The following FHIT variants were observed in gnomAD, a reference collection of about 807,000 sequenced individuals.
The protein encoded by FHIT is fragile histidine triad diadenosine triphosphatase.
In FHIT, 19 loss-of-function variants were observed where a neutral mutation model predicts 17.9. That is an observed-to-expected ratio of 1.06 (90% CI 0.74 to 1.56). The LOEUF is 1.56. Among genes scored for constraint, FHIT ranks in the 40% most tolerant of loss-of-function variants. The pLI is 0.00. For missense variants in FHIT, 248 were observed against 189.2 expected (o/e 1.31, Z -1.82); for synonymous variants, 81 against 69.7 (o/e 1.16, Z -0.81).
At chr3:60,215,132 G>A (rs867384911) in intron 5 of FHIT, among the ~76,000 whole-genome samples, 7 of 151,830 alleles carry the variant, frequency 4.6e-5, no homozygotes, top group African/African-American at 7.3e-5. Flanking sequence ...CAGTTTACCC[G>A]TGTAACAAGC....
rs369924071 is a variant in FHIT, at chr3:59,922,412, G to A, written c.282C>T (p.His94=). 8 of 1,612,816 alleles carry A rather than the reference G, an allele frequency of 5.0e-6. No homozygotes were observed. Among genetic ancestry groups the A allele is most frequent in the South Asian group, 3.3e-5 (3 of 90,974 alleles). The change falls in exon 8 of 10, where the codon CAC becomes CAT. Residue 94 remains histidine, a splice_region_variant and synonymous_variant. Transcript: ENST00000492590. ...TCCTGGGAAGAACATGGACGTGAAC[G>A]TGCTGAAAATGTACAAGAAAGAAAA... ...DGPEAGQTVK[H]VHVHVLPRKA... is the part of the protein sequence containing the mutation.
At chr3:59,775,186 C>T (rs1575473922) in intron 8 of FHIT, among the ~76,000 whole-genome samples, 2 of 152,160 alleles carry the variant, frequency 1.3e-5, no homozygotes, top group African/African-American at 4.8e-5. Flanking sequence ...TTCTATTCAT[C>T]CCGATCAGGT....
At chr3:60,023,118 T>C (rs1045924428) in intron 5 of FHIT, among the ~76,000 whole-genome samples, 11 of 152,152 alleles carry the variant, frequency 7.2e-5, no homozygotes, top group Non-Finnish European at 1.6e-4. Context: ...AGTATGGCAA[T>C]AGAAGAAATA....
chr3:60,020,841 G>A (rs1008922556), intron 5 of FHIT, among the ~76,000 whole-genome samples: 5 of 152,052 alleles, frequency 3.3e-5, no homozygotes, highest in Admixed American at 1.3e-4. Context: ...CAAAGTAGGC[G>A]GCATCTCAAA....
chr3:60,318,107 TAAAC>T (rs1484310106), intron 5 of FHIT, among the ~76,000 whole-genome samples: 3 of 152,076 alleles, frequency 2.0e-5, no homozygotes, highest in Admixed American at 6.6e-5. Flanking sequence ...CTGGGCATCT[TAAAC>T]AAAAGCAAAA....
At chr3:59,792,701 C>CA (rs1699614903) in intron 8 of FHIT, among the ~76,000 whole-genome samples, 6 of 152,074 alleles carry the variant, frequency 3.9e-5, no homozygotes. Flanking sequence ...ATTGTGGTGA[C>CA]AACAATCATG....
chr3:60,310,050 G>A (rs1038456394), intron 5 of FHIT, among the ~76,000 whole-genome samples: 4 of 152,088 alleles, frequency 2.6e-5, no homozygotes, highest in Non-Finnish European at 5.9e-5. Context: ...CTGGAATCAG[G>A]TCATGCAGGC....
rs577311685 is a variant in FHIT at position 61,087,725 on chromosome 3, G to T, written c.-163-45626C>A. On this transcript the variant is annotated intron_variant, in intron 2 of 9. Coordinates refer to ENST00000492590, the MANE Select transcript of FHIT (RefSeq NM_002012.4). ...CACACACATACGCACAAAATTACAT[G>T]TTGTAATTCATTTCCACCAAGTAGA... 3.9e-3 allele frequency among the ~76,000 whole-genome samples: 587 copies of T among 152,160 alleles called. 1 individual carries two copies. Among genetic ancestry groups the T allele is most frequent in the African/African-American group, 0.013 (554 of 41,536 alleles).
intron 3 of FHIT, among the ~76,000 whole-genome samples, chr3:60,990,703 G>A (rs1442186880): frequency 3.3e-5 from 5 of 152,162 alleles, no homozygotes; most frequent in African/African-American, 7.2e-5. Flanking sequence ...GTCAATTCCC[G>A]CGATTGCGAG....
intron 5 of FHIT, among the ~76,000 whole-genome samples, chr3:60,397,632 C>G (rs1486998848): frequency 2.0e-5 from 3 of 152,174 alleles, no homozygotes; most frequent in African/African-American, 7.2e-5. Context: ...GGTGCCACAT[C>G]AGCCTACTGA....
At chr3:60,264,748 T>C (rs1201518098) in intron 5 of FHIT, among the ~76,000 whole-genome samples, 3 of 151,986 alleles carry the variant, frequency 2.0e-5, no homozygotes, top group Non-Finnish European at 4.4e-5. Flanking sequence ...TTCAAGTACA[T>C]ATCAATATAT....
chr3:60,942,328 T>C (rs1055536636), intron 3 of FHIT, among the ~76,000 whole-genome samples: 5 of 152,206 alleles, frequency 3.3e-5, no homozygotes, highest in African/African-American at 1.2e-4. Flanking sequence ...GAATTTTCAT[T>C]CTCAGAAGCC....
intron 5 of FHIT, among the ~76,000 whole-genome samples, chr3:60,402,333 A>G (rs982458577): frequency 6.6e-6 from 1 of 152,218 alleles, no homozygotes; most frequent in Non-Finnish European, 1.5e-5. Context: ...CCAACCATGA[A>G]GTAAATTCCA....
At chr3:60,881,257 A>G (rs571767242) in intron 3 of FHIT, among the ~76,000 whole-genome samples, 5 of 152,354 alleles carry the variant, frequency 3.3e-5, no homozygotes, top group Non-Finnish European at 7.3e-5. Context: ...CAACAGTTAT[A>G]TATGCATCCA....
intron 2 of FHIT, among the ~76,000 whole-genome samples, chr3:61,106,968 A>AT (rs1322283742): frequency 6.6e-6 from 1 of 152,200 alleles, no homozygotes; most frequent in South Asian, 2.1e-4. Context: ...CCATCACATC[A>AT]TTTTTTATAG....
At chr3:61,073,266 T>G (rs1047488947) in intron 2 of FHIT, among the ~76,000 whole-genome samples, 1 of 152,182 alleles carries the variant, frequency 6.6e-6, no homozygotes, top group Admixed American at 6.5e-5. Flanking sequence ...TGGACTACCT[T>G]AACTGTGAGT....
intron 5 of FHIT, among the ~76,000 whole-genome samples, chr3:60,245,777 A>C (rs1705363476): frequency 6.6e-6 from 1 of 152,076 alleles, no homozygotes; most frequent in Non-Finnish European, 1.5e-5. Flanking sequence ...AAAATGTTTA[A>C]AAATATAAAT....
intron 5 of FHIT, among the ~76,000 whole-genome samples, chr3:60,131,442 C>T (rs990537918): frequency 2.6e-5 from 4 of 152,012 alleles, no homozygotes; most frequent in Non-Finnish European, 2.9e-5. Flanking sequence ...TACTCATATT[C>T]GCACAGATTC....
chr3:59,786,365 C>T (rs1002608037), intron 8 of FHIT, among the ~76,000 whole-genome samples: 1 of 152,322 alleles, frequency 6.6e-6, no homozygotes, highest in Non-Finnish European at 1.5e-5. Flanking sequence ...CCTCCTCTTT[C>T]TTTCTACCTG....
Sources: allele counts gnomAD v4.1 joint callset (sites outside exome capture counted in the v4.1 genomes callset), GRCh38; gene constraint gnomAD v4.1.1; transcripts MANE v1.5; gene names NCBI Gene and HGNC (gene_info 2026-07-23, HGNC 2026-07-21).